The following HSPA9 variants were observed in gnomAD, a reference collection of about 807,000 sequenced individuals.
HSPA9 encodes heat shock protein family A (Hsp70) member 9.
In HSPA9, 28 loss-of-function variants were observed where a neutral mutation model predicts 81.5. That is an observed-to-expected ratio of 0.34 (90% confidence interval 0.25 to 0.47). HSPA9 has a LOEUF of 0.47. HSPA9 is among the 20% of genes least tolerant of loss of function. The pLI is 1.00. For synonymous variants in HSPA9, 293 were observed against 290.4 expected, an observed-to-expected ratio of 1.01 and a Z score of -0.09; for missense variants, 678 against 838.0, an observed-to-expected ratio of 0.81 and a Z score of 2.36.
chr5:138,563,046 C>T (rs1170202190), intron 9 of HSPA9, among the ~76,000 whole-genome samples: 1 of 152,202 alleles, frequency 6.6e-6, no homozygotes, highest in Non-Finnish European at 1.5e-5. Context: ...GTATCCTAAA[C>T]ATTTGAATAC....
At chr5:138,567,289 A>C in intron 7 of HSPA9, 126 bp from the exon 8 acceptor site, 2 of 1,005,448 alleles carry the variant, frequency 2.0e-6, no homozygotes, top group Admixed American at 4.3e-5. Flanking sequence ...GTACTAGTTA[A>C]ATTACCATGG....
At chr5:138,556,940 T>C (rs1228151048) in intron 14 of HSPA9, 74 bp from the exon 15 acceptor site, 1 of 986,670 alleles carries the variant, frequency 1.0e-6, no homozygotes, top group Non-Finnish European at 1.6e-6. Flanking sequence ...ACTCAGACAA[T>C]AAGCTATGTG....
intron 9 of HSPA9, among the ~76,000 whole-genome samples, chr5:138,563,067 G>A (rs1750693263): frequency 1.3e-5 from 2 of 152,190 alleles, no homozygotes; most frequent in South Asian, 4.1e-4. Context: ...TTAATAAATA[G>A]AGTTAACACA....
chr5:138,557,132 T>C (rs1056700993), intron 14 of HSPA9: 6 of 599,660 alleles, frequency 1.0e-5, no homozygotes, highest in Admixed American at 5.9e-5. Flanking sequence ...GAAGGAAGAA[T>C]AGATTATCTT....
At chr5:138,559,045 T>C (rs376626000) in intron 11 of HSPA9, 8 of 214,406 alleles carry the variant, frequency 3.7e-5, no homozygotes, top group Non-Finnish European at 5.8e-5. Flanking sequence ...GGCACAAATA[T>C]ACCAACAACC....
In HSPA9 at chr5:138,554,404, C is replaced by G. The variant is rs1299988703; in HGVS notation, c.*1633G>C. On this transcript the variant is annotated 3_prime_UTR_variant, in exon 17 of 17. Transcript: ENST00000297185. ...AAAAATGCTAAAAGTTATTTTCCAA[C>G]ACACCATATAACAATCCTTCATAAT... 6.6e-6 allele frequency among the ~76,000 whole-genome samples: 1 copy of G among 152,188 alleles called. No individual in the cohort carries two copies. Among genetic ancestry groups the G allele is most frequent in the East Asian group, 1.9e-4 (1 of 5,194 alleles).
chr5:138,570,116 C>A (rs1750846190), intron 4 of HSPA9, among the ~76,000 whole-genome samples: 1 of 151,992 alleles, frequency 6.6e-6, no homozygotes, highest in South Asian at 2.1e-4. Flanking sequence ...GAGCTCACCT[C>A]AGCCTCCCAA....
At chr5:138,572,333 G>C (rs1336826483) in intron 3 of HSPA9, among the ~76,000 whole-genome samples, 4 of 152,020 alleles carry the variant, frequency 2.6e-5, no homozygotes, top group Non-Finnish European at 5.9e-5. Context: ...CCCAGAAAAG[G>C]ATTTAAATGT....
rs552773039 is a variant in HSPA9 at position 138,555,398 on chromosome 5, T to A, written c.*639A>T. ...TCCAGAATGGGTAAGAGAACAATCA[T>A]CAAGGATGTAGGTGCCAGACACAGG... is the stretch of plus-strand genomic sequence containing the variant. On this transcript the variant is annotated 3_prime_UTR_variant, in exon 17 of 17. Transcript: ENST00000297185. The A allele has an allele frequency of 2.0e-5, 3 of 152,510 alleles. No homozygotes were observed. Among genetic ancestry groups the A allele is most frequent in the African/African-American group, 7.2e-5 (3 of 41,548 alleles). The allele number at this position is 152,510 out of a possible 1,614,324, so 9.4% of individuals were successfully genotyped here. A position where few individuals can be genotyped will look rare whatever the true frequency, so the allele number is the denominator to read the frequency against.
intron 12 of HSPA9, among the ~76,000 whole-genome samples, chr5:138,558,243 T>G (rs146116330): frequency 2.6e-5 from 4 of 152,326 alleles, no homozygotes; most frequent in African/African-American, 4.8e-5. Context: ...AAATGACAGA[T>G]AGCAAATCTC....
At chr5:138,573,913 G>A in intron 2 of HSPA9, 63 bp from the exon 3 acceptor site, 4 of 1,370,198 alleles carry the variant, frequency 2.9e-6, no homozygotes, top group Non-Finnish European at 3.1e-6. Flanking sequence ...GTCACTGGAA[G>A]ATAATATTTA....
At chr5:138,574,450 C>T (rs543971902) in intron 1 of HSPA9, among the ~76,000 whole-genome samples, 1 of 152,130 alleles carries the variant, frequency 6.6e-6, no homozygotes, top group African/African-American at 2.4e-5. Flanking sequence ...AAGTGACAAC[C>T]TAAAATATCC....
chr5:138,561,834 G>A (rs374078830), intron 9 of HSPA9, 45 bp from the exon 10 acceptor site: 1 of 1,422,344 alleles, frequency 7.0e-7, no homozygotes. Flanking sequence ...CAGGCCAAAT[G>A]ACGGTTACAT....
Position 138,557,388 on chromosome 5 carries a change from C to A in HSPA9, c.1728+14G>T. 6.4e-7 allele frequency: 1 copy of A among 1,553,526 alleles called. No individual in the cohort carries two copies. The highest frequency in any genetic ancestry group is 8.9e-7 in the Non-Finnish European group (1 of 1,126,416). ...TTTACTAAGATTAAAGTTCAGAAGA[C>A]AAGAAGTAATCACCTTCTTTCGCCG... On this transcript the variant is annotated intron_variant, in intron 14 of 16. Transcript: ENST00000297185.
Position 138,571,103 on chromosome 5 carries a change from T to G in HSPA9, c.267A>C (p.Ser89=). ...ENAEGARTTP[S]VVAFTADGER... is the part of the protein sequence containing the mutation. ...CACCATCTGCTGTAAAGGCCACAAC[T>G]GAAGGGGTGGTTCTGGCACCTTCGG... The change falls in exon 4 of 17, where the codon TCA becomes TCC. Residue 89 remains serine, a synonymous_variant. Coordinates refer to ENST00000297185, the MANE Select transcript of HSPA9 (RefSeq NM_004134.7). 1 of 1,614,100 alleles carries G rather than the reference T, an allele frequency of 6.2e-7. No individual in the cohort carries two copies.
At chr5:138,569,773 T>C (rs1480779508) in intron 4 of HSPA9, among the ~76,000 whole-genome samples, 1 of 152,180 alleles carries the variant, frequency 6.6e-6, no homozygotes, top group South Asian at 2.1e-4. Flanking sequence ...CTAGATGGTC[T>C]TAAACTCAGC....
At chr5:138,558,258 T>C (rs1750575143) in intron 12 of HSPA9, among the ~76,000 whole-genome samples, 1 of 152,192 alleles carries the variant, frequency 6.6e-6, no homozygotes, top group African/African-American at 2.4e-5. Flanking sequence ...AATCTCCTAT[T>C]ATTCACCTCA....
In HSPA9 at chr5:138,574,094, A is replaced by G. The variant is rs547351063; in HGVS notation, c.114T>C (p.Phe38=). ...CATAATCCCGCCTTGAAACAAGTCT[A>G]AAAGCCTCATGACTAAGGCCATTCC... ...DSWNGLSHEA[F]RLVSRRDYAS... Residue 38 remains phenylalanine (F), a synonymous_variant, in exon 2 of 17, where the codon TTT becomes TTC. Coordinates refer to ENST00000297185, the MANE Select transcript of HSPA9 (RefSeq NM_004134.7). 27 of 1,613,804 alleles carry G rather than the reference A, an allele frequency of 1.7e-5. No individual in the cohort carries two copies. The East Asian group carries it at 4.5e-4, about 27-fold the overall frequency.
At chr5:138,566,951 G>GA (rs1303925790) in intron 8 of HSPA9, 50 bp downstream of exon 8, 1 of 1,574,660 alleles carries the variant, frequency 6.4e-7, no homozygotes, top group Non-Finnish European at 8.7e-7. Flanking sequence ...TCTGAACAAA[G>GA]AATTTCTCAA....
Sources: allele counts gnomAD v4.1 joint callset (sites outside exome capture counted in the v4.1 genomes callset), GRCh38; gene constraint gnomAD v4.1.1; transcripts MANE v1.5; gene names NCBI Gene and HGNC (gene_info 2026-07-23, HGNC 2026-07-21).